The following SUV39H2 variants were observed in gnomAD, a reference collection of about 807,000 sequenced individuals.
SUV39H2 encodes SUV39H2 histone lysine methyltransferase, also known as histone-lysine N-methyltransferase SUV39H2.
In SUV39H2, 10 loss-of-function variants were observed where a neutral mutation model predicts 47.5. The observed-to-expected ratio is 0.21, with a 90% CI of 0.13 to 0.36. The LOEUF (loss-of-function observed/expected upper bound fraction) is 0.36. Among genes scored for constraint, SUV39H2 ranks in the 10% least tolerant of loss-of-function variants. The pLI, the probability that SUV39H2 is intolerant of heterozygous loss-of-function variation, is 1.00. For synonymous variants in SUV39H2, 159 were observed against 166.8 expected (o/e 0.95, Z 0.36); for missense variants, 266 against 487.4 (o/e 0.55, Z 4.28).
chr10:14,896,734 G>T (rs1833634207), intron 2 of SUV39H2, 112 bp from the exon 3 acceptor site: 1 of 838,166 alleles, frequency 1.2e-6, no homozygotes, highest in Non-Finnish European at 1.8e-6. Flanking sequence ...GTTCTGAACT[G>T]TTAGTAAGAA....
intron 1 of SUV39H2, chr10:14,879,162 T>G (rs1588828938): frequency 1.7e-6 from 2 of 1,188,486 alleles, no homozygotes; most frequent in Admixed American, 4.5e-5. Flanking sequence ...ACTTCGGAAG[T>G]GGAGCGTGGC....
chr10:14,895,553 AAAGAC>A (rs1258711162), intron 2 of SUV39H2, among the ~76,000 whole-genome samples: 1 of 152,248 alleles, frequency 6.6e-6, no homozygotes, highest in Non-Finnish European at 1.5e-5. Flanking sequence ...ATTGGAGTGA[AAAGAC>A]AAGATACCAT....
intron 2 of SUV39H2, among the ~76,000 whole-genome samples, chr10:14,889,355 A>G (rs917353498): frequency 6.6e-6 from 1 of 152,220 alleles, no homozygotes; most frequent in African/African-American, 2.4e-5. Context: ...CCCATGACCT[A>G]GTTTCAGTCT....
chr10:14,887,160 A>G (rs1833236815), intron 2 of SUV39H2, among the ~76,000 whole-genome samples: 1 of 152,232 alleles, frequency 6.6e-6, no homozygotes, highest in African/African-American at 2.4e-5. Flanking sequence ...AATGGCTGTC[A>G]TAGTAACCAG....
chr10:14,900,993 C>A, intron 4 of SUV39H2, 140 bp from the exon 5 acceptor site: 1 of 1,112,198 alleles, frequency 9.0e-7, no homozygotes, highest in Non-Finnish European at 1.3e-6. Flanking sequence ...GTGCATGCCT[C>A]AAAGACCTCT....
chr10:14,879,857 C>T (rs1299076635), intron 1 of SUV39H2: 3 of 151,182 alleles, frequency 2.0e-5, no homozygotes, highest in Admixed American at 1.3e-4. Flanking sequence ...TTCTGCATTA[C>T]TGGAGACTGT....
At chr10:14,887,796 G>A (rs185222094) in intron 2 of SUV39H2, among the ~76,000 whole-genome samples, 20 of 152,350 alleles carry the variant, frequency 1.3e-4, no homozygotes, top group Admixed American at 1.3e-3. Context: ...AGTACTTATT[G>A]TAGTTGACGT....
chr10:14,892,477 T>C (rs1427127678), intron 2 of SUV39H2, among the ~76,000 whole-genome samples: 1 of 152,232 alleles, frequency 6.6e-6, no homozygotes, highest in South Asian at 2.1e-4. Context: ...AGATACTTCA[T>C]GCAAATCTTA....
At chr10:14,883,147 G>A (rs532557502) in intron 2 of SUV39H2, among the ~76,000 whole-genome samples, 3 of 151,958 alleles carry the variant, frequency 2.0e-5, no homozygotes, top group South Asian at 2.1e-4. Context: ...GATTACAGGC[G>A]TGAGCCACTG....
rs12098835 is a variant in SUV39H2, at chr10:14,882,160, A to G, written c.177+515A>G. ...CTTAGGACTTAAGCAAACTCGTTTC[A>G]CTTCTCTAAGCCTTCCTTTATTGCT... On this transcript the variant is annotated intron_variant, in intron 2 of 5. Transcript: ENST00000354919. Among the ~76,000 whole-genome samples, 1,252 of 152,260 alleles carry G rather than the reference A, an allele frequency of 8.2e-3. 22 individuals carry two copies. Among genetic ancestry groups the G allele is most frequent in the African/African-American group, 0.028 (1,177 of 41,532 alleles).
intron 2 of SUV39H2, among the ~76,000 whole-genome samples, chr10:14,892,255 A>T (rs984590309): frequency 2.0e-5 from 3 of 152,206 alleles, no homozygotes; most frequent in Admixed American, 1.3e-4. Context: ...AACTAACAAG[A>T]TGGAGTTAAA....
chr10:14,892,999 A>AT (rs869161891), intron 2 of SUV39H2, among the ~76,000 whole-genome samples: 2,892 of 79,892 alleles, frequency 0.036, 74 homozygotes, highest in Non-Finnish European at 0.039. Context: ...AATTTTTTGT[A>AT]TTTTTTTTTT....
At chr10:14,894,360 T>TAATTCACAAAGATTACTGC (rs1564340047) in intron 2 of SUV39H2, among the ~76,000 whole-genome samples, 4 of 86,102 alleles carry the variant, frequency 4.6e-5, no homozygotes, top group Admixed American at 1.1e-4. Context: ...GCAAAGTTTT[T>TAATTCACAAAGATTACTGC]TTTTTTTTTT....
chr10:14,880,021 T>G (rs1280365881), intron 1 of SUV39H2: 3 of 151,924 alleles, frequency 2.0e-5, no homozygotes. Flanking sequence ...CAAACACACC[T>G]TGAGTAGATA....
Position 14,891,045 on chromosome 10 carries a change from C to T in SUV39H2, c.178-5801C>T, listed in dbSNP as rs144381383. Among the ~76,000 whole-genome samples, 5 of 152,218 alleles carry T rather than the reference C, an allele frequency of 3.3e-5. No individual in the cohort carries two copies. In the East Asian group the frequency reaches 5.8e-4, roughly 18 times the overall value. On this transcript the variant is annotated intron_variant, in intron 2 of 5. Coordinates refer to ENST00000354919, the MANE Select transcript of SUV39H2 (RefSeq NM_001193424.2). The stretch of plus-strand genomic sequence containing the variant: ...TAAAAAATAAGATTCCATCCCTTCC[C>T]GCAAATAACTTAGAGTTTAAATTGG...
At position 14,901,279 on chromosome 10, in the gene SUV39H2, C is replaced by T. The variant is rs200709321; in HGVS notation, c.1126+17C>T. The T allele has an allele frequency of 1.7e-5, 28 of 1,613,144 alleles. No individual in the cohort carries two copies. In the African/African-American group the frequency reaches 2.7e-4, roughly 15 times the overall value. The stretch of plus-strand genomic sequence containing the variant: ...AAATGAAAGGTATGCTTTTCAAGTA[C>T]AGTTTCATTGGTGTCAGTTTCAATA... On this transcript the variant is annotated intron_variant, in intron 5 of 5. Coordinates refer to ENST00000354919, the MANE Select transcript of SUV39H2 (RefSeq NM_001193424.2).
chr10:14,898,872 T>C (rs1023664330), intron 3 of SUV39H2: 8 of 224,452 alleles, frequency 3.6e-5, no homozygotes, highest in Non-Finnish European at 6.0e-5. Flanking sequence ...ATATATAAGT[T>C]ATAGGAAAAA....
At chr10:14,898,229 T>G (rs1833739467) in intron 3 of SUV39H2, 1 of 143,728 alleles carries the variant, frequency 7.0e-6, no homozygotes, top group Non-Finnish European at 1.5e-5. Flanking sequence ...TTTTTTTTTT[T>G]TGAGAAGTAG....
At chr10:14,896,733 TGTTA>T in intron 2 of SUV39H2, 109 bp from the exon 3 acceptor site, 1 of 821,260 alleles carries the variant, frequency 1.2e-6, no homozygotes, top group Non-Finnish European at 1.9e-6. Context: ...TGTTCTGAAC[TGTTA>T]GTAAGAAAAA....
Sources: gnomAD v4.1 joint callset for allele counts (sites outside exome capture counted in the v4.1 genomes callset) on GRCh38, gnomAD v4.1.1 for gene constraint, MANE v1.5 for transcripts, NCBI Gene and HGNC (gene_info 2026-07-23, HGNC 2026-07-21) for gene names.